GRXCR1: variants seen among roughly 807,000 people sequenced by gnomAD.
GRXCR1 encodes the protein glutaredoxin and cysteine rich domain containing 1.
GRXCR1 carries 27 observed loss-of-function variants against 27.3 expected under a neutral mutation model. The observed-to-expected ratio is 0.99, with a 90% CI of 0.73 to 1.37. GRXCR1 has a LOEUF of 1.37. Among genes scored for constraint, GRXCR1 ranks in the 40% most tolerant of loss-of-function variants. The pLI is 0.00. For missense variants in GRXCR1, 379 were observed against 354.4 expected, an observed-to-expected ratio of 1.07 and a Z score of -0.56; for synonymous variants, 122 against 131.1, an observed-to-expected ratio of 0.93 and a Z score of 0.47.
At chr4:42,974,519 T>G (rs1325451063) in intron 2 of GRXCR1, among the ~76,000 whole-genome samples, 1 of 152,176 alleles carries the variant, frequency 6.6e-6, no homozygotes, top group Non-Finnish European at 1.5e-5. Context: ...ATCTAATCAC[T>G]AATGCGGAAT....
chr4:42,993,910 C>G (rs1290854437), intron 2 of GRXCR1, among the ~76,000 whole-genome samples: 2 of 152,232 alleles, frequency 1.3e-5, no homozygotes, highest in African/African-American at 4.8e-5. Context: ...CCTTCTCTAT[C>G]TCTTTCATAA....
At chr4:42,974,980 T>A (rs918311685) in intron 2 of GRXCR1, among the ~76,000 whole-genome samples, 1 of 152,150 alleles carries the variant, frequency 6.6e-6, no homozygotes. Context: ...GTTTTAACAT[T>A]AAATCTGGTC....
At chr4:42,917,215 T>C (rs1746905192) in intron 1 of GRXCR1, among the ~76,000 whole-genome samples, 1 of 152,150 alleles carries the variant, frequency 6.6e-6, no homozygotes, top group East Asian at 1.9e-4. Flanking sequence ...ATCCTTGGCA[T>C]TTACAAAAAT....
intron 3 of GRXCR1, among the ~76,000 whole-genome samples, chr4:43,025,568 A>G (rs1412206086): frequency 6.6e-6 from 1 of 152,206 alleles, no homozygotes; most frequent in African/African-American, 2.4e-5. Context: ...TATTCAGAGG[A>G]GAGGAGACAC....
At chr4:42,949,757 G>A (rs956214885) in intron 1 of GRXCR1, among the ~76,000 whole-genome samples, 1 of 152,150 alleles carries the variant, frequency 6.6e-6, no homozygotes. Flanking sequence ...ATGATCATTA[G>A]TACAGTCAGA....
intron 1 of GRXCR1, among the ~76,000 whole-genome samples, chr4:42,901,316 G>A (rs956544157): frequency 6.6e-6 from 1 of 152,132 alleles, no homozygotes; most frequent in Non-Finnish European, 1.5e-5. Context: ...AGTTATGGAG[G>A]TCAGAAGCCT....
At chr4:42,988,376 A>T (rs76491161) in intron 2 of GRXCR1, among the ~76,000 whole-genome samples, 3 of 152,336 alleles carry the variant, frequency 2.0e-5, no homozygotes, top group Non-Finnish European at 4.4e-5. Flanking sequence ...TAAAAATATC[A>T]TCTATTCTGA....
rs187396059 is a variant in GRXCR1, at chr4:42,926,791, A to C, written c.384+33141A>C. 5.9e-3 allele frequency among the ~76,000 whole-genome samples: 890 copies of C among 152,114 alleles called. 11 individuals carry two copies. The highest frequency in any genetic ancestry group is 0.02 in the African/African-American group (847 of 41,538). On this transcript the variant is annotated intron_variant, in intron 1 of 3. Coordinates refer to ENST00000399770, the MANE Select transcript of GRXCR1 (RefSeq NM_001080476.3). ...TAAATTGTGGTTGAAGATGTTTTTAATCATCCAACAGAAAAATCAGTTCCC... is the reference window on the plus strand; with the variant it reads ...TAAATTGTGGTTGAAGATGTTTTTACTCATCCAACAGAAAAATCAGTTCCC...
In GRXCR1 at chr4:42,942,404, G is replaced by A. The variant is rs186382260; in HGVS notation, c.385-20488G>A. 4.6e-4 allele frequency among the ~76,000 whole-genome samples: 70 copies of A among 152,196 alleles called. 1 individual carries two copies. The highest frequency in any genetic ancestry group is 1.5e-3 in the African/African-American group (64 of 41,568). ...CTGAACCTGACTCACTGTTAGCTCA[G>A]TGGGAGGTTTTAATTAGAAGCTCTT... is the stretch of plus-strand genomic sequence containing the variant. On this transcript the variant is annotated intron_variant, in intron 1 of 3. Coordinates refer to ENST00000399770, the MANE Select transcript of GRXCR1 (RefSeq NM_001080476.3).
At chr4:42,998,621 T>C (rs1712252704) in intron 2 of GRXCR1, among the ~76,000 whole-genome samples, 1 of 152,196 alleles carries the variant, frequency 6.6e-6, no homozygotes, top group African/African-American at 2.4e-5. Flanking sequence ...ACACAGCAGG[T>C]TTGCATTTGG....
intron 1 of GRXCR1, among the ~76,000 whole-genome samples, chr4:42,962,065 G>A (rs1212100043): frequency 1.3e-5 from 2 of 151,956 alleles, no homozygotes; most frequent in Non-Finnish European, 2.9e-5. Context: ...GTACCTACCT[G>A]GTATGGCTCT....
chr4:42,932,609 TATATATATATAGAGAGAGAGAGAGAG>T (rs1190213533), intron 1 of GRXCR1, among the ~76,000 whole-genome samples: 3 of 51,226 alleles, frequency 5.9e-5, no homozygotes, highest in East Asian at 5.7e-4. Context: ...TATATATATA[TATATATATATAGAGAGAGAGAGAGAG>T]AGAGAGAGAG....
At chr4:42,949,095 C>T (rs1275091133) in intron 1 of GRXCR1, among the ~76,000 whole-genome samples, 1 of 152,072 alleles carries the variant, frequency 6.6e-6, no homozygotes, top group Non-Finnish European at 1.5e-5. Context: ...GTGGCTCACG[C>T]CTGTAATCCC....
At chr4:42,946,022 T>A (rs1022974295) in intron 1 of GRXCR1, among the ~76,000 whole-genome samples, 1 of 152,188 alleles carries the variant, frequency 6.6e-6, no homozygotes, top group Non-Finnish European at 1.5e-5. Flanking sequence ...GAATATATCA[T>A]GTTGCTCAGG....
chr4:42,910,389 T>C (rs1212515715), intron 1 of GRXCR1, among the ~76,000 whole-genome samples: 1 of 152,186 alleles, frequency 6.6e-6, no homozygotes, highest in Non-Finnish European at 1.5e-5. Context: ...ACTTTCAGAA[T>C]CTACACCACC....
Position 42,962,553 on chromosome 4 carries a change from C to T in GRXCR1, c.385-339C>T, listed in dbSNP as rs149085131. Among the ~76,000 whole-genome samples the T allele has an allele frequency of 2.8e-3, 429 of 151,904 alleles. 2 individuals carry two copies. Among genetic ancestry groups the T allele is most frequent in the African/African-American group, 9.8e-3 (405 of 41,466 alleles). On this transcript the variant is annotated intron_variant, in intron 1 of 3. Transcript: ENST00000399770. ...AACTTTAGGTTTATGAAACAGATAT[C>T]GTAATTGAGCAATGTCTATGAAACA...
At chr4:42,969,392 C>A (rs148103635) in intron 2 of GRXCR1, among the ~76,000 whole-genome samples, 2 of 152,120 alleles carry the variant, frequency 1.3e-5, no homozygotes, top group African/African-American at 4.8e-5. Flanking sequence ...GTTTAATTGA[C>A]TCACAGTCCT....
At chr4:42,910,705 T>C (rs1286355912) in intron 1 of GRXCR1, among the ~76,000 whole-genome samples, 2 of 152,170 alleles carry the variant, frequency 1.3e-5, no homozygotes, top group Non-Finnish European at 2.9e-5. Context: ...GCATATAAGC[T>C]GTCCTTGATT....
chr4:42,966,302 A>C (rs1438207478), intron 2 of GRXCR1, among the ~76,000 whole-genome samples: 1 of 152,054 alleles, frequency 6.6e-6, no homozygotes, highest in Non-Finnish European at 1.5e-5. Context: ...AAATCCACAA[A>C]ACCCACATTG....
Sources: gnomAD v4.1 joint callset for allele counts (sites outside exome capture counted in the v4.1 genomes callset) on GRCh38, gnomAD v4.1.1 for gene constraint, MANE v1.5 for transcripts, NCBI Gene and HGNC (gene_info 2026-07-23, HGNC 2026-07-21) for gene names.